Variants in PCDHGA9 observed in about 807,000 individuals in gnomAD.
PCDHGA9 encodes protocadherin gamma-A9.
A neutral mutation model predicts 62.5 loss-of-function variants in PCDHGA9; 37 were observed. The ratio of observed to expected loss-of-function variants is 0.59; its 90% CI spans 0.46 to 0.78. The LOEUF (loss-of-function observed/expected upper bound fraction) is 0.78. PCDHGA9 is among the 30% of genes least tolerant of loss of function. The pLI, the probability that PCDHGA9 is intolerant of heterozygous loss-of-function variation, is 0.00. For missense variants in PCDHGA9, 1,138 were observed against 1,166.2 expected, an observed-to-expected ratio of 0.98 and a Z score of 0.35; for synonymous variants, 459 against 484.6, an observed-to-expected ratio of 0.95 and a Z score of 0.69.
Position 141,418,943 on chromosome 5 carries a change from C to T in PCDHGA9, c.2424+13567C>T, listed in dbSNP as rs751344893. On this transcript the variant is annotated intron_variant, in intron 1 of 3. Coordinates refer to ENST00000573521, the MANE Select transcript of PCDHGA9 (RefSeq NM_018921.3). ...TGATCAGATTATGGAGGATTCCCCT[C>T]CAGGAGTGGTTGTTGCCCTCTTCAA... The T allele has an allele frequency of 3.1e-6, 5 of 1,613,914 alleles. No homozygotes were observed. The African/African-American group carries it at 6.7e-5, about 22-fold the overall frequency.
chr5:141,494,773 G>C, intron 1 of PCDHGA9, 34 bp from the exon 2 acceptor site: 1 of 1,613,966 alleles, frequency 6.2e-7, no homozygotes, highest in Non-Finnish European at 8.5e-7. Context: ...CTTCTCACGG[G>C]TACTCAGCCC....
intron 1 of PCDHGA9, chr5:141,478,782 T>C: frequency 6.7e-7 from 1 of 1,485,212 alleles, no homozygotes. Context: ...GTGGACCTAA[T>C]TCACATCCTC....
Position 141,432,123 on chromosome 5 carries a change from C to T in PCDHGA9, c.2424+26747C>T. 6.2e-7 allele frequency: 1 copy of T among 1,614,172 alleles called. No homozygotes were observed. The highest frequency in any genetic ancestry group is 8.5e-7 in the Non-Finnish European group (1 of 1,180,042). ...GACAACCCGCCGGTCTTCCCTCAGGCCTCCTATTCCGCTTATATCCCAGAG... is the reference window on the plus strand; with the variant it reads ...GACAACCCGCCGGTCTTCCCTCAGGTCTCCTATTCCGCTTATATCCCAGAG... On this transcript the variant is annotated intron_variant, in intron 1 of 3. Coordinates refer to ENST00000573521, the MANE Select transcript of PCDHGA9 (RefSeq NM_018921.3). The surrounding 1 kb of genome is among the most constrained non-coding windows in gnomAD (Gnocchi z 6.0).
chr5:141,499,599 C>G (rs2099792919), intron 2 of PCDHGA9, among the ~76,000 whole-genome samples: 2 of 152,102 alleles, frequency 1.3e-5, no homozygotes, highest in South Asian at 4.1e-4. Context: ...TCACCTATAT[C>G]CCTACCCTTA....
chr5:141,484,697 T>C (rs746981788), intron 1 of PCDHGA9, among the ~76,000 whole-genome samples: 11 of 151,988 alleles, frequency 7.2e-5, no homozygotes, highest in Non-Finnish European at 1.3e-4. Context: ...AGGCTGTGGC[T>C]GTTTTCCCCG....
intron 1 of PCDHGA9, chr5:141,414,747 C>T (rs556012378): frequency 6.2e-7 from 1 of 1,614,214 alleles, no homozygotes; most frequent in African/African-American, 1.3e-5. Flanking sequence ...TCAGATCCTT[C>T]GACTATGAGC....
chr5:141,409,849 C>A (rs772503820), intron 1 of PCDHGA9: 1 of 1,612,106 alleles, frequency 6.2e-7, no homozygotes, highest in South Asian at 1.1e-5. Context: ...TGAGCCTGCG[C>A]GTGTTGGTGG....
rs377547144 is a variant in PCDHGA9, at chr5:141,409,030, G to A, written c.2424+3654G>A. The stretch of plus-strand genomic sequence containing the variant: ...ACCAGGATGAGGGGGTCAATGCTGA[G>A]ATAAACTACTACTTCCGAAGCACTG... On this transcript the variant is annotated intron_variant, in intron 1 of 3. Transcript: ENST00000573521. 9.9e-6 allele frequency: 16 copies of A among 1,613,892 alleles called. No homozygotes were observed. The African/African-American group carries it at 2.0e-4, about 20-fold the overall frequency.
At chr5:141,478,305 C>G in intron 1 of PCDHGA9, 1 of 1,614,092 alleles carries the variant, frequency 6.2e-7, no homozygotes, top group Non-Finnish European at 8.5e-7. Context: ...TACCGAGCCC[C>G]GGTGAGCTCA....
rs779651957 is a variant in PCDHGA9, at chr5:141,431,167, T to G, written c.2424+25791T>G. 2 of 1,614,118 alleles carry G rather than the reference T, an allele frequency of 1.2e-6. No individual in the cohort carries two copies. Among genetic ancestry groups the G allele is most frequent in the Non-Finnish European group, 1.7e-6 (2 of 1,180,014 alleles). The stretch of plus-strand genomic sequence containing the variant: ...ACAATGCGCCTTACTTTCGTGAAAG[T>G]GAATTAGAAATAAAAATTAGTGAAA... On this transcript the variant is annotated intron_variant, in intron 1 of 3. Transcript: ENST00000573521. The surrounding 1 kb of genome is among the most constrained non-coding windows in gnomAD (Gnocchi z 4.8).
intron 1 of PCDHGA9, among the ~76,000 whole-genome samples, chr5:141,464,921 G>A (rs1562002597): frequency 6.6e-6 from 1 of 151,106 alleles, no homozygotes; most frequent in Non-Finnish European, 1.5e-5. Flanking sequence ...TTATTTTTTT[G>A]TAGAGATGTG....
chr5:141,422,973 T>G (rs1157516415), intron 1 of PCDHGA9: 1 of 1,614,102 alleles, frequency 6.2e-7, no homozygotes, highest in Non-Finnish European at 8.5e-7. Flanking sequence ...CGCCCCGCTC[T>G]GCGGAACCTG....
chr5:141,426,451 C>T (rs561567196), intron 1 of PCDHGA9: 1 of 308,946 alleles, frequency 3.2e-6, no homozygotes, highest in Non-Finnish European at 6.4e-6. Flanking sequence ...GGACATGCGG[C>T]TGCATGTTCA....
chr5:141,474,208 A>C (rs1243312558), intron 1 of PCDHGA9, among the ~76,000 whole-genome samples: 1 of 152,242 alleles, frequency 6.6e-6, no homozygotes, highest in Non-Finnish European at 1.5e-5. Context: ...TGATTTTCAA[A>C]AACCAGATTG....
At position 141,487,382 on chromosome 5, in the gene PCDHGA9, T is replaced by A. The variant is rs755316738; in HGVS notation, c.2425-7425T>A. 6.2e-7 allele frequency: 1 copy of A among 1,614,172 alleles called. No individual in the cohort carries two copies. The highest frequency in any genetic ancestry group is 2.2e-5 in the East Asian group (1 of 44,854). On this transcript the variant is annotated intron_variant, in intron 1 of 3. Transcript: ENST00000573521. The surrounding 1 kb of genome is among the most constrained non-coding windows in gnomAD (Gnocchi z 5.0). ...TGGCACCTGTGCCTGTCTCACCAGA[T>A]CTCGAAGGAGGGAGGGGCTTCCCCC...
At chr5:141,474,671 A>G (rs2099352865) in intron 1 of PCDHGA9, among the ~76,000 whole-genome samples, 1 of 152,204 alleles carries the variant, frequency 6.6e-6, no homozygotes, top group South Asian at 2.1e-4. Context: ...TACCTAACCT[A>G]TGTGCCTACC....
intron 2 of PCDHGA9, among the ~76,000 whole-genome samples, chr5:141,499,675 T>A (rs1426498530): frequency 2.0e-5 from 3 of 150,746 alleles, no homozygotes; most frequent in African/African-American, 7.3e-5. Flanking sequence ...GTCTCCACCA[T>A]CTTTAACAGA....
At chr5:141,470,872 TTTTTTGTTTTTG>T (rs900302332) in intron 1 of PCDHGA9, among the ~76,000 whole-genome samples, 1 of 151,814 alleles carries the variant, frequency 6.6e-6, no homozygotes, top group Non-Finnish European at 1.5e-5. Context: ...GTTTGTTTGT[TTTTTTGTTTTTG>T]TTTTTGTTTT....
In PCDHGA9 at chr5:141,423,740, GA is replaced by G. The variant is rs778655137; in HGVS notation, c.2424+18368del. 7 of 698,952 alleles carry G rather than the reference GA, an allele frequency of 1.0e-5. No individual in the cohort carries two copies. The African/African-American group carries it at 1.9e-4, about 19-fold the overall frequency. The allele number at this position is 698,952 out of a possible 1,614,324, so 43.3% of individuals were successfully genotyped here. ...AGGAGATGTTTTTTGAGCCTGTTAT[GA>G]AAACTGTTTGGGGGGGGGGTGGGGC... On this transcript the variant is annotated intron_variant, in intron 1 of 3. Coordinates refer to ENST00000573521, the MANE Select transcript of PCDHGA9 (RefSeq NM_018921.3).
Sources: gnomAD v4.1 joint callset for allele counts (sites outside exome capture counted in the v4.1 genomes callset) on GRCh38, gnomAD v4.1.1 for gene constraint, Gnocchi (gnomAD v3.1) non-coding constraint, MANE v1.5 for transcripts, NCBI Gene and HGNC (gene_info 2026-07-23, HGNC 2026-07-21) for gene names.